CNTNAP2: variants seen among roughly 807,000 people sequenced by gnomAD.
CNTNAP2 encodes contactin-associated protein-like 2.
Under a neutral mutation model 155.2 loss-of-function variants are expected in CNTNAP2, and 98 were observed. The observed-to-expected ratio is 0.63, with a 90% CI of 0.54 to 0.75. The LOEUF (loss-of-function observed/expected upper bound fraction) is 0.75, where lower values mean the gene tolerates loss of function less well. CNTNAP2 is among the 30% of genes least tolerant of loss of function. The pLI is 0.00. For missense variants in CNTNAP2, 1,727 were observed against 1,688.1 expected, an observed-to-expected ratio of 1.02 and a Z score of -0.40; for synonymous variants, 651 against 631.2, an observed-to-expected ratio of 1.03 and a Z score of -0.47.
intron 1 of CNTNAP2, among the ~76,000 whole-genome samples, chr7:146,294,095 C>T (rs998779913): frequency 6.6e-6 from 1 of 152,150 alleles, no homozygotes; most frequent in Admixed American, 6.5e-5. Context: ...ACTGGGCTTT[C>T]CCTTCTGGCT....
At chr7:147,308,278 G>T (rs1795066784) in intron 9 of CNTNAP2, among the ~76,000 whole-genome samples, 1 of 152,154 alleles carries the variant, frequency 6.6e-6, no homozygotes, top group African/African-American at 2.4e-5. Context: ...ATTGTGAAGG[G>T]TCTTTAACAA....
At chr7:146,488,522 A>C (rs1797092333) in intron 1 of CNTNAP2, among the ~76,000 whole-genome samples, 1 of 151,810 alleles carries the variant, frequency 6.6e-6, no homozygotes, top group Admixed American at 6.6e-5. Context: ...GCTACCACAA[A>C]AGCTTCTCAC....
At chr7:146,440,168 A>C (rs13222106) in intron 1 of CNTNAP2, among the ~76,000 whole-genome samples, 45,205 of 151,440 alleles carry the variant, frequency 0.3, 7,379 homozygotes, top group Admixed American at 0.43. Context: ...ATATTAACAT[A>C]AGTATATTAA....
chr7:146,658,653 G>A (rs997551842), intron 1 of CNTNAP2, among the ~76,000 whole-genome samples: 1 of 152,144 alleles, frequency 6.6e-6, no homozygotes, highest in Non-Finnish European at 1.5e-5. Context: ...GCTAAAGGGA[G>A]ATATGATGCA....
chr7:147,782,017 C>T (rs1797668620), intron 13 of CNTNAP2, among the ~76,000 whole-genome samples: 1 of 124,248 alleles, frequency 8.0e-6, no homozygotes, highest in Non-Finnish European at 1.6e-5. Context: ...AGCAAGATTC[C>T]GTTTAAAAAA....
intron 8 of CNTNAP2, among the ~76,000 whole-genome samples, chr7:147,169,083 A>G (rs186101305): frequency 6.6e-6 from 1 of 152,262 alleles, no homozygotes; most frequent in East Asian, 1.9e-4. Context: ...AATAAAATAA[A>G]AATATATGTG....
intron 11 of CNTNAP2, among the ~76,000 whole-genome samples, chr7:147,521,238 T>C (rs1799224842): frequency 6.6e-6 from 1 of 152,200 alleles, no homozygotes; most frequent in African/African-American, 2.4e-5. Flanking sequence ...TCGGTGTAGT[T>C]GTTCATGCCA....
chr7:147,301,667 A>T (rs1563152303), intron 9 of CNTNAP2, among the ~76,000 whole-genome samples: 1 of 149,238 alleles, frequency 6.7e-6, no homozygotes, highest in Non-Finnish European at 1.5e-5. Context: ...GAGTAAGGTG[A>T]CATGAGAGCA....
At chr7:146,488,630 T>A (rs558925668) in intron 1 of CNTNAP2, among the ~76,000 whole-genome samples, 1 of 152,152 alleles carries the variant, frequency 6.6e-6, no homozygotes, top group East Asian at 1.9e-4. Context: ...TTTTTTGTTT[T>A]GTTTTGTTTG....
At chr7:146,742,968 T>C (rs960449837) in intron 1 of CNTNAP2, among the ~76,000 whole-genome samples, 2 of 152,150 alleles carry the variant, frequency 1.3e-5, no homozygotes, top group Non-Finnish European at 2.9e-5. Context: ...TTAAAAAAAG[T>C]ATAGAACTCA....
At chr7:146,594,300 T>G (rs1798826984) in intron 1 of CNTNAP2, among the ~76,000 whole-genome samples, 2 of 152,128 alleles carry the variant, frequency 1.3e-5, no homozygotes, top group African/African-American at 4.8e-5. Flanking sequence ...CTTGTCATGT[T>G]CCATATGTAG....
chr7:147,630,273 A>G (rs1407166221), intron 12 of CNTNAP2, among the ~76,000 whole-genome samples: 1 of 143,442 alleles, frequency 7.0e-6, no homozygotes, highest in African/African-American at 2.6e-5. Context: ...AGAAATAGAG[A>G]TTCTAAACTG....
chr7:147,349,165 G>A (rs1795928072), intron 9 of CNTNAP2, among the ~76,000 whole-genome samples: 1 of 151,828 alleles, frequency 6.6e-6, no homozygotes. Flanking sequence ...CACAAAAGAT[G>A]AGTTTGAGAG....
At chr7:146,388,122 A>T (rs1435946278) in intron 1 of CNTNAP2, among the ~76,000 whole-genome samples, 1 of 147,920 alleles carries the variant, frequency 6.8e-6, no homozygotes, top group Admixed American at 6.7e-5. Flanking sequence ...CATTTATTTT[A>T]TATTTTTTCT....
rs1182525943 is a variant in CNTNAP2 at position 146,970,580 on chromosome 7, T to C, written c.403-73327T>C. ...GAAACAACAGGTGCTGGAGAGGATG[T>C]GGAGAAATAGGAACACTTTTACACT... On this transcript the variant is annotated intron_variant, in intron 3 of 23. Coordinates refer to ENST00000361727, the MANE Select transcript of CNTNAP2 (RefSeq NM_014141.6). 3.9e-5 allele frequency among the ~76,000 whole-genome samples: 6 copies of C among 152,052 alleles called. No individual in the cohort carries two copies. In the East Asian group the frequency reaches 1.2e-3, roughly 29 times the overall value.
intron 15 of CNTNAP2, among the ~76,000 whole-genome samples, chr7:148,050,571 G>A (rs1187143656): frequency 6.6e-6 from 1 of 152,134 alleles, no homozygotes; most frequent in East Asian, 1.9e-4. Context: ...GTAAACTAAT[G>A]TGTATTAAAG....
At chr7:147,594,561 T>C (rs949963125) in intron 12 of CNTNAP2, among the ~76,000 whole-genome samples, 34 of 152,310 alleles carry the variant, frequency 2.2e-4, no homozygotes, top group African/African-American at 7.9e-4. Context: ...TGCTTTGAAA[T>C]ACTATCTGAT....
At chr7:146,839,581 A>C in intron 2 of CNTNAP2, 130 bp from the exon 3 acceptor site, 1 of 915,416 alleles carries the variant, frequency 1.1e-6, no homozygotes, top group Non-Finnish European at 1.7e-6. Context: ...TCTATAAAGG[A>C]TATTTCATAA....
chr7:148,285,814 T>G (rs1247226467), intron 21 of CNTNAP2, among the ~76,000 whole-genome samples: 1 of 152,202 alleles, frequency 6.6e-6, no homozygotes, highest in South Asian at 2.1e-4. Flanking sequence ...AGGTGACCCT[T>G]GAACAACAGG....
Sources: gnomAD v4.1 joint callset for allele counts (sites outside exome capture counted in the v4.1 genomes callset) on GRCh38, gnomAD v4.1.1 for gene constraint, MANE v1.5 for transcripts, NCBI Gene and HGNC (gene_info 2026-07-23, HGNC 2026-07-21) for gene names.